The following POR variants were observed in gnomAD, a reference collection of about 807,000 sequenced individuals.
The protein encoded by POR is cytochrome p450 oxidoreductase, also known as NADPH--cytochrome P450 reductase.
In POR, 56 loss-of-function variants were observed where a neutral mutation model predicts 84.0. The observed-to-expected ratio is 0.67, with a 90% CI of 0.54 to 0.83. The LOEUF (loss-of-function observed/expected upper bound fraction) is 0.83, where lower values mean the gene tolerates loss of function less well. POR is among the 40% of genes least tolerant of loss of function. The pLI is 0.00. For synonymous variants in POR, 414 were observed against 400.5 expected, an observed-to-expected ratio of 1.03 and a Z score of -0.40; for missense variants, 938 against 944.3, an observed-to-expected ratio of 0.99 and a Z score of 0.09.
chr7:75,973,600 G>A (rs534014179), intron 3 of POR, among the ~76,000 whole-genome samples: 89 of 151,140 alleles, frequency 5.9e-4, no homozygotes, highest in African/African-American at 2.1e-3. Context: ...CTGTAGGTGC[G>A]AGCCATTGCA....
intron 5 of POR, chr7:75,980,798 GGGCTGGCCCCGCTTCCCTGTGGGTTGA>G: frequency 7.5e-7 from 1 of 1,331,194 alleles, no homozygotes; most frequent in East Asian, 2.6e-5. Context: ...TGGGGAGGGT[GGGCTGGCCCCGCTTCCCTGTGGGTTGA>G]GGCTGGCAGT....
chr7:75,972,484 C>A, intron 3 of POR, 23 bp downstream of exon 3: 1 of 1,588,372 alleles, frequency 6.3e-7, no homozygotes, highest in Non-Finnish European at 8.6e-7. Context: ...CATGTCTTTA[C>A]TCTTCTCAGG....
intron 7 of POR, chr7:75,981,962 C>G: frequency 1.8e-6 from 1 of 562,912 alleles, no homozygotes; most frequent in Non-Finnish European, 3.2e-6. Flanking sequence ...CCCGGGCTTC[C>G]TTACCTTCTC....
In POR at chr7:75,959,274, A is replaced by G. The variant is rs1787828519; in HGVS notation, c.188+5094A>G. On this transcript the variant is annotated intron_variant, in intron 2 of 15. Coordinates refer to ENST00000461988, the MANE Select transcript of POR (RefSeq NM_000941.3). ...GCTGATACAACCAGGCCTCAAGCCTAGATCTCCTATTCTAAATCCCACATC... is the reference window on the plus strand; with the variant it reads ...GCTGATACAACCAGGCCTCAAGCCTGGATCTCCTATTCTAAATCCCACATC... 1.3e-5 allele frequency among the ~76,000 whole-genome samples: 2 copies of G among 152,210 alleles called. 1 individual carries two copies. The highest frequency in any genetic ancestry group is 3.8e-4 in the East Asian group (2 of 5,200).
chr7:75,937,505 G>C (rs144729476), intron 1 of POR, among the ~76,000 whole-genome samples: 85 of 147,212 alleles, frequency 5.8e-4, no homozygotes, highest in Middle Eastern at 7.2e-3. Context: ...AAAGAAGGCC[G>C]TGTTTGGTGG....
chr7:75,981,920 C>A (rs1458398103), intron 7 of POR: 1 of 567,838 alleles, frequency 1.8e-6, no homozygotes, highest in Admixed American at 3.1e-5. Context: ...CATAACGTTC[C>A]TCTCTGTGCC....
intron 2 of POR, among the ~76,000 whole-genome samples, chr7:75,966,502 G>A (rs1374144388): frequency 6.6e-6 from 1 of 152,178 alleles, no homozygotes; most frequent in Non-Finnish European, 1.5e-5. Flanking sequence ...CTGTGCCTCA[G>A]CCGCCACCCC....
chr7:75,964,376 C>T (rs1311093677), intron 2 of POR, among the ~76,000 whole-genome samples: 4 of 151,734 alleles, frequency 2.6e-5, no homozygotes, highest in African/African-American at 9.7e-5. Flanking sequence ...GGCGCAATCT[C>T]GGCTCACTGC....
Position 75,972,502 on chromosome 7 carries a change from G to A in POR, c.237+41G>A, listed in dbSNP as rs782574607. ...GTCTTTACTCTTCTCAGGAAGCCTC[G>A]GCCCCGATGGGCATGTAATCAAGTC... On this transcript the variant is annotated intron_variant, in intron 3 of 15. Transcript: ENST00000461988. 27 of 1,523,114 alleles carry A rather than the reference G, an allele frequency of 1.8e-5. No individual in the cohort carries two copies. In the East Asian group the frequency reaches 4.2e-4, roughly 24 times the overall value. The allele number at this position is 1,523,114 out of a possible 1,614,324, so 94.3% of individuals were successfully genotyped here.
At chr7:75,969,670 C>T (rs1449068587) in intron 2 of POR, among the ~76,000 whole-genome samples, 2 of 152,202 alleles carry the variant, frequency 1.3e-5, no homozygotes, top group Non-Finnish European at 2.9e-5. Context: ...GGCTTTTCAG[C>T]TGATGCCAGG....
chr7:75,981,514 C>T lies in POR; in HGVS notation c.642-3C>T. On this transcript the variant is annotated splice_polypyrimidine_tract_variant and splice_region_variant and intron_variant, in intron 6 of 15. Coordinates refer to ENST00000461988, the MANE Select transcript of POR (RefSeq NM_000941.3). The stretch of plus-strand genomic sequence containing the variant: ...CGCTCCCCCTCTCCTCTCCTCGGCC[C>T]AGCTTGGAGGAGGACTTCATCACCT... 1 of 1,611,426 alleles carries T rather than the reference C, an allele frequency of 6.2e-7. No individual in the cohort carries two copies. The highest frequency in any genetic ancestry group is 8.5e-7 in the Non-Finnish European group (1 of 1,179,202).
chr7:75,944,480 C>T (rs1303206251), intron 1 of POR, among the ~76,000 whole-genome samples: 1 of 152,208 alleles, frequency 6.6e-6, no homozygotes, highest in Non-Finnish European at 1.5e-5. Flanking sequence ...TTGCAGTGCA[C>T]TGAGATCACA....
intron 1 of POR, among the ~76,000 whole-genome samples, chr7:75,921,458 C>T (rs10268867): frequency 0.21 from 31,827 of 152,022 alleles, 5,318 homozygotes; most frequent in African/African-American, 0.45. Context: ...GACAGGGTTT[C>T]ACTGTGTTGG....
chr7:75,962,944 TCA>T (rs1434868992), intron 2 of POR, among the ~76,000 whole-genome samples: 2 of 152,212 alleles, frequency 1.3e-5, no homozygotes, highest in Non-Finnish European at 2.9e-5. Flanking sequence ...ATCATTTGTA[TCA>T]CAGTTTCCCA....
At chr7:75,948,693 C>A (rs1787287494) in intron 1 of POR, among the ~76,000 whole-genome samples, 2 of 152,230 alleles carry the variant, frequency 1.3e-5, no homozygotes, top group African/African-American at 4.8e-5. Context: ...TTCTTGCCTT[C>A]TATTCACATG....
intron 2 of POR, among the ~76,000 whole-genome samples, chr7:75,969,920 C>A (rs1370962420): frequency 6.6e-6 from 1 of 152,178 alleles, no homozygotes; most frequent in Non-Finnish European, 1.5e-5. Flanking sequence ...CCTTGGCCGA[C>A]CAGTGTGTGT....
intron 2 of POR, among the ~76,000 whole-genome samples, chr7:75,955,774 G>C (rs1787659155): frequency 6.6e-6 from 1 of 152,104 alleles, no homozygotes; most frequent in Non-Finnish European, 1.5e-5. Flanking sequence ...TGTCATGTCA[G>C]TTCCAGTCCA....
At chr7:75,972,522 C>A (rs1233815126) in intron 3 of POR, 61 bp downstream of exon 3, 19 of 1,457,092 alleles carry the variant, frequency 1.3e-5, no homozygotes, top group Non-Finnish European at 1.7e-5. Flanking sequence ...GGCATGTAAT[C>A]AAGTCTAGCA....
At chr7:75,931,809 C>T (rs185842723) in intron 1 of POR, among the ~76,000 whole-genome samples, 2 of 152,180 alleles carry the variant, frequency 1.3e-5, no homozygotes, top group Admixed American at 6.6e-5. Flanking sequence ...ACACATGAAC[C>T]GGCTCCCACC....
Sources: allele counts gnomAD v4.1 joint callset (sites outside exome capture counted in the v4.1 genomes callset), GRCh38; gene constraint gnomAD v4.1.1; transcripts MANE v1.5; gene names NCBI Gene and HGNC (gene_info 2026-07-23, HGNC 2026-07-21).